NHSL1: variants seen among roughly 807,000 people sequenced by gnomAD.
NHSL1 encodes the protein NHS like 1.
A neutral mutation model predicts 95.0 loss-of-function variants in NHSL1; 48 were observed. The ratio of observed to expected loss-of-function variants is 0.51; its 90% confidence interval spans 0.40 to 0.64. The LOEUF is 0.64. NHSL1 is among the 30% of genes least tolerant of loss of function. NHSL1 has a pLI of 0.00. For synonymous variants in NHSL1, 783 were observed against 833.9 expected (o/e 0.94, Z 1.05); for missense variants, 1,971 against 2,077.7 (o/e 0.95, Z 1.00).
Position 138,606,937 on chromosome 6 carries a change from T to C in NHSL1, c.96+85539A>G, listed in dbSNP as rs150314360. Reference sequence around the variant, plus strand: ...CCAGGATGGTCTCGATCTCCTGACCTCATGATCCGCCTGCCTCAGCCTCCT... The same window carrying C: ...CCAGGATGGTCTCGATCTCCTGACCCCATGATCCGCCTGCCTCAGCCTCCT... On this transcript the variant is annotated intron_variant, in intron 1 of 3. Coordinates refer to the NHSL1 transcript ENST00000491526. Among the ~76,000 whole-genome samples, 10 of 152,154 alleles carry C rather than the reference T, an allele frequency of 6.6e-5. No homozygotes were observed. The East Asian group carries it at 1.9e-3, about 29-fold the overall frequency.
Position 138,432,483 on chromosome 6 carries a change from T to A in NHSL1, c.1862A>T (p.Asn621Ile). 6.4e-7 allele frequency: 1 copy of A among 1,552,270 alleles called. No homozygotes were observed. Among genetic ancestry groups the A allele is most frequent in the Non-Finnish European group, 8.7e-7 (1 of 1,147,018 alleles). ...VHTDSGHGSG[N>I]LCNSSDGFGN... ...AAAGCCATCACTGCTATTGCACAGATTCCCAGATCCATGTCCAGAGTCAGT... is the reference window on the plus strand; with the variant it reads ...AAAGCCATCACTGCTATTGCACAGAATCCCAGATCCATGTCCAGAGTCAGT... Residue 621 changes from asparagine to isoleucine, a missense_variant, in exon 6 of 8, where the codon AAT (asparagine) becomes ATT (isoleucine). Physicochemically the swap from Asn to Ile is moderately radical, Grantham distance 149. Coordinates refer to ENST00000343505, the MANE Select transcript of NHSL1 (RefSeq NM_001144060.2). This position sits in a 1 kb window ranked among gnomAD's most constrained non-coding sequence, Gnocchi z 4.4.
chr6:138,609,322 C>A (rs139295902), intron 1 of NHSL1, among the ~76,000 whole-genome samples: 132 of 152,214 alleles, frequency 8.7e-4, no homozygotes, highest in African/African-American at 3.0e-3. Context: ...GACGCAGAGT[C>A]GAGGCTGCTT....
At chr6:138,563,842 T>G (rs1173024246) in intron 1 of NHSL1, among the ~76,000 whole-genome samples, 1 of 152,186 alleles carries the variant, frequency 6.6e-6, no homozygotes, top group African/African-American at 2.4e-5. Context: ...AAGTTACACG[T>G]GACTCATGTT....
intron 1 of NHSL1, among the ~76,000 whole-genome samples, chr6:138,650,021 C>A (rs1043697547): frequency 6.6e-6 from 1 of 152,194 alleles, no homozygotes; most frequent in Non-Finnish European, 1.5e-5. Context: ...TGGCAGGTGA[C>A]CCAATCCACT....
At position 138,424,159 on chromosome 6, in the gene NHSL1, G is replaced by T; in HGVS notation, c.4743C>A (p.Gly1581=). 6.9e-7 allele frequency: 1 copy of T among 1,453,106 alleles called. No homozygotes were observed. Among genetic ancestry groups the T allele is most frequent in the Non-Finnish European group, 9.0e-7 (1 of 1,107,322 alleles). 90.0% of individuals were successfully genotyped at this position (1,453,106 alleles called of 1,614,324 possible). The part of the protein sequence containing the change: ...PAASLQPQAP[G]PVDGTASAEG... Reference sequence around the variant, plus strand: ...CTGCACTGGCTGTCCCATCCACAGGGCCGGGGGCCTGGGGCTGCAGGGAGG... The same window carrying T: ...CTGCACTGGCTGTCCCATCCACAGGTCCGGGGGCCTGGGGCTGCAGGGAGG... Residue 1581 remains glycine, a synonymous_variant, in exon 8 of 8, where the codon GGC becomes GGA. Transcript: ENST00000343505. This position sits in a 1 kb window ranked among gnomAD's most constrained non-coding sequence, Gnocchi z 5.9.
rs1277371967 is a variant in NHSL1 at position 138,519,278 on chromosome 6, C to CA, written c.17-22908dup. On this transcript the variant is annotated intron_variant, in intron 1 of 4. Coordinates refer to the NHSL1 transcript ENST00000342260. Reference sequence around the variant, plus strand: ...AGAAATTTAAAAGAAAGTGAATCTTCAAAAAAAAATCTGCTCTGTCACCCA... The same window carrying CA: ...AGAAATTTAAAAGAAAGTGAATCTTCAAAAAAAAAATCTGCTCTGTCACCCA... 2.6e-4 allele frequency among the ~76,000 whole-genome samples: 39 copies of CA among 149,924 alleles called. No individual in the cohort carries two copies. The South Asian group carries it at 4.9e-3, about 19-fold the overall frequency.
chr6:138,447,247 T>C (rs1222697038), intron 3 of NHSL1, 54 bp from the exon 4 acceptor site: 1 of 1,376,838 alleles, frequency 7.3e-7, no homozygotes, highest in East Asian at 2.5e-5. Context: ...GGCAGAAACA[T>C]TTTAAAATAT....
At chr6:138,450,921 T>C (rs556352510) in intron 3 of NHSL1, among the ~76,000 whole-genome samples, 16 of 152,308 alleles carry the variant, frequency 1.1e-4, no homozygotes, top group African/African-American at 3.6e-4. Flanking sequence ...AAGATGGACA[T>C]AGTAATACCG....
intron 2 of NHSL1, among the ~76,000 whole-genome samples, chr6:138,486,610 C>T (rs1431954401): frequency 6.6e-6 from 1 of 152,170 alleles, no homozygotes; most frequent in Non-Finnish European, 1.5e-5. Flanking sequence ...CACTGGCCCT[C>T]TCCATCCCCA....
Position 138,672,913 on chromosome 6 carries a change from C to T in NHSL1, c.96+19563G>A, listed in dbSNP as rs181753622. On this transcript the variant is annotated intron_variant, in intron 1 of 3. Coordinates refer to the NHSL1 transcript ENST00000491526. ...GCACTTGTAGTCCCAGCTACTCGGG[C>T]GGCTGAGGCAGGAAAATTGCTTGAA... Among the ~76,000 whole-genome samples the T allele has an allele frequency of 1.7e-3, 254 of 151,956 alleles. 4 individuals carry two copies. The highest frequency in any genetic ancestry group is 0.01 in the Admixed American group (159 of 15,244).
rs1775598187 is a variant in NHSL1 at position 138,430,874 on chromosome 6, A to G, written c.3471T>C (p.Gly1157=). Residue 1157 remains glycine (G), a synonymous_variant, in exon 6 of 8, where the codon GGT becomes GGC. Coordinates refer to ENST00000343505, the MANE Select transcript of NHSL1 (RefSeq NM_001144060.2). This position sits in a 1 kb window ranked among gnomAD's most constrained non-coding sequence, Gnocchi z 4.7. ...QGDHGSAAER[G]GPVSRSPGAP... The stretch of plus-strand genomic sequence containing the variant: ...CTCCAGGGCTGCGGCTCACAGGGCC[A>G]CCACGCTCAGCCGCACTGCCATGGT... 2 of 1,551,206 alleles carry G rather than the reference A, an allele frequency of 1.3e-6. No homozygotes were observed. The highest frequency in any genetic ancestry group is 8.7e-7 in the Non-Finnish European group (1 of 1,146,848).
At chr6:138,574,020 C>T (rs1349949985), upstream of NHSL1, among the ~76,000 whole-genome samples, 2 of 152,146 alleles carry the variant, frequency 1.3e-5, no homozygotes, top group Non-Finnish European at 2.9e-5. Flanking sequence ...CTCTGCCTCC[C>T]GGGTTCACAC....
At chr6:138,624,451 G>A (rs1487210188) in intron 1 of NHSL1, among the ~76,000 whole-genome samples, 2 of 152,122 alleles carry the variant, frequency 1.3e-5, no homozygotes, top group Non-Finnish European at 2.9e-5. Flanking sequence ...GGATATATGA[G>A]TCTGGTACTC....
intron 1 of NHSL1, among the ~76,000 whole-genome samples, chr6:138,687,218 T>C (rs6570263): frequency 0.12 from 18,245 of 151,738 alleles, 3,045 homozygotes; most frequent in African/African-American, 0.38. Flanking sequence ...GGAGGATCGC[T>C]TGAGCCCAGG....
intron 1 of NHSL1, among the ~76,000 whole-genome samples, chr6:138,537,585 T>C (rs1782409222): frequency 9.1e-6 from 1 of 110,408 alleles, no homozygotes. Context: ...CAGCATCTTA[T>C]GTAAGCTTTA....
rs535352062 is a variant in NHSL1, at chr6:138,429,749, T to C, written c.4047A>G (p.Arg1349=). The C allele has an allele frequency of 5.6e-4, 874 of 1,551,746 alleles. 1 individual carries two copies. The highest frequency in any genetic ancestry group is 7.4e-4 in the Non-Finnish European group (845 of 1,147,034). The change falls in exon 7 of 8, where the codon CGA becomes CGG. Residue 1349 remains arginine (R), a synonymous_variant. Coordinates refer to ENST00000343505, the MANE Select transcript of NHSL1 (RefSeq NM_001144060.2). ...CAAAAAGGTCTTCTGTGGTCCTGGG[T>C]CGACTGGGGGTCATTACCTCATCAT... The part of the protein sequence containing the change: ...DGNDEVMTPS[R]PRTTEDLFAA...
intron 3 of NHSL1, among the ~76,000 whole-genome samples, chr6:138,455,014 G>C (rs1323267965): frequency 6.6e-6 from 1 of 152,222 alleles, no homozygotes; most frequent in Non-Finnish European, 1.5e-5. Flanking sequence ...GATGGAAACA[G>C]CAAGAGAAAC....
chr6:138,448,978 G>C (rs1254406612), intron 3 of NHSL1, among the ~76,000 whole-genome samples: 1 of 150,764 alleles, frequency 6.6e-6, no homozygotes, highest in Non-Finnish European at 1.5e-5. Flanking sequence ...CTTGAACCCA[G>C]GAGGCAGAGG....
At position 138,422,993 on chromosome 6, in the gene NHSL1, C is replaced by A. The variant is rs1416227165; in HGVS notation, c.*1088G>T. 6.7e-6 allele frequency: 1 copy of A among 150,104 alleles called. No homozygotes were observed. The highest frequency in any genetic ancestry group is 2.0e-4 in the East Asian group (1 of 5,092). 9.3% of individuals were successfully genotyped at this position (150,104 alleles called of 1,614,324 possible). A position where few individuals can be genotyped will look rare whatever the true frequency, so the allele number is the denominator to read the frequency against. ...GGCAGTTCAAGGAAAAAAAAATAGC[C>A]ATAACTTTTTCTTTGGTGTAACCAA... On this transcript the variant is annotated 3_prime_UTR_variant, in exon 8 of 8. Coordinates refer to ENST00000343505, the MANE Select transcript of NHSL1 (RefSeq NM_001144060.2).
Sources: allele counts gnomAD v4.1 joint callset (sites outside exome capture counted in the v4.1 genomes callset), GRCh38; gene constraint gnomAD v4.1.1; non-coding constraint Gnocchi (gnomAD v3.1); transcripts MANE v1.5; gene names NCBI Gene and HGNC (gene_info 2026-07-23, HGNC 2026-07-21).